Variants in DGAT1 observed in about 807,000 individuals in gnomAD.
DGAT1 encodes the protein diacylglycerol O-acyltransferase 1.
DGAT1 carries 60 observed loss-of-function variants against 72.6 expected under a neutral mutation model. The ratio of observed to expected loss-of-function variants is 0.83; its 90% CI spans 0.67 to 1.02. The LOEUF is 1.02. DGAT1 is among the 50% of genes least tolerant of loss of function. DGAT1 has a pLI of 0.00. For synonymous variants in DGAT1, 290 were observed against 267.5 expected, an observed-to-expected ratio of 1.08 and a Z score of -0.82; for missense variants, 592 against 670.0, an observed-to-expected ratio of 0.88 and a Z score of 1.29.
rs191891262 is a variant in DGAT1, at chr8:144,314,714, T to G, written c.*1840A>C. Reference sequence around the variant, plus strand: ...GGCAGAGATCTATAAACAGACAGGCTCTATGCTATGGCCTCCATGTGTTTC... The same window carrying G: ...GGCAGAGATCTATAAACAGACAGGCGCTATGCTATGGCCTCCATGTGTTTC... On this transcript the variant is annotated 3_prime_UTR_variant, in exon 17 of 17. Transcript: ENST00000528718. 1.2e-3 allele frequency: 306 copies of G among 245,352 alleles called. 2 individuals are homozygous for G. The highest frequency in any genetic ancestry group is 6.1e-3 in the African/African-American group (281 of 45,758). The allele number at this position is 245,352 out of a possible 1,614,324, so 15.2% of individuals were successfully genotyped here. A position where few individuals can be genotyped will look rare whatever the true frequency, so the allele number is the denominator to read the frequency against.
At position 144,317,607 on chromosome 8, in the gene DGAT1, C is replaced by T; in HGVS notation, c.937-19G>A. 1 of 1,613,932 alleles carries T rather than the reference C, an allele frequency of 6.2e-7. No individual in the cohort carries two copies. The highest frequency in any genetic ancestry group is 8.5e-7 in the Non-Finnish European group (1 of 1,180,018). On this transcript the variant is annotated intron_variant, in intron 11 of 16. Transcript: ENST00000528718. ...CCATGTCCTGCAGAAACAAGCCCTT[C>T]AGCTAGCCATGCTCCTGGTCACTCC...
rs2130504260 is a variant in DGAT1, at chr8:144,315,809, G to A, written c.*745C>T. On this transcript the variant is annotated 3_prime_UTR_variant, in exon 17 of 17. Coordinates refer to ENST00000528718, the MANE Select transcript of DGAT1 (RefSeq NM_012079.6). ...GCCCAGGTTCCAAGTGAAGGAAAGA[G>A]GCTGCCAAACCGAGCCCTGCCCCAA... 1.0e-6 allele frequency: 1 copy of A among 979,064 alleles called. No individual in the cohort carries two copies. Among genetic ancestry groups the A allele is most frequent in the African/African-American group, 1.7e-5 (1 of 57,240 alleles). 60.6% of individuals were successfully genotyped at this position (979,064 alleles called of 1,614,324 possible).
In DGAT1 at chr8:144,317,971, G is replaced by T. The variant is rs570222469; in HGVS notation, c.798C>A (p.Asn266Lys). 6.6e-7 allele frequency: 1 copy of T among 1,519,660 alleles called. No individual in the cohort carries two copies. The highest frequency in any genetic ancestry group is 8.8e-7 in the Non-Finnish European group (1 of 1,136,348). The allele number at this position is 1,519,660 out of a possible 1,614,324, so 94.1% of individuals were successfully genotyped here. A position where few individuals can be genotyped will look rare whatever the true frequency, so the allele number is the denominator to read the frequency against. The change falls in exon 9 of 17, where the codon AAC (asparagine) becomes AAA (lysine). Residue 266 changes from asparagine to lysine, a missense_variant. Physicochemically the swap from Asn to Lys is moderately conservative, Grantham distance 94 (BLOSUM62 0). Coordinates refer to ENST00000528718, the MANE Select transcript of DGAT1 (RefSeq NM_012079.6). The stretch of plus-strand genomic sequence containing the variant: ...TCCGGATGCGGGGAGAGCGGGGAAA[G>T]TTGAGCTCGTAGCACAAGGTGGGGG... ...LFAPTLCYEL[N>K]FPRSPRIRKR...
At position 144,317,182 on chromosome 8, in the gene DGAT1, C is replaced by G; in HGVS notation, c.1160+5G>C. 2 of 1,607,626 alleles carry G rather than the reference C, an allele frequency of 1.2e-6. No homozygotes were observed. Among genetic ancestry groups the G allele is most frequent in the Non-Finnish European group, 1.7e-6 (2 of 1,175,236 alleles). On this transcript the variant is annotated splice_donor_5th_base_variant and intron_variant, in intron 14 of 16. Transcript: ENST00000528718. ...CCACATCACACACACACACACCCCA[C>G]CTACCTGATGCACCACTTGTGCACA...
Position 144,314,687 on chromosome 8 carries a change from C to T in DGAT1, c.*1867G>A. On this transcript the variant is annotated 3_prime_UTR_variant, in exon 17 of 17. Coordinates refer to ENST00000528718, the MANE Select transcript of DGAT1 (RefSeq NM_012079.6). ...ACACACAGTGGATGGACGGACAAGACAGGCAGAGATCTATAAACAGACAGG... is the reference window on the plus strand; with the variant it reads ...ACACACAGTGGATGGACGGACAAGATAGGCAGAGATCTATAAACAGACAGG... The T allele has an allele frequency of 3.5e-6, 1 of 285,254 alleles. No individual in the cohort carries two copies. The allele number at this position is 285,254 out of a possible 1,614,324, so 17.7% of individuals were successfully genotyped here. A position where few individuals can be genotyped will look rare whatever the true frequency, so the allele number is the denominator to read the frequency against.
Position 144,315,651 on chromosome 8 carries a change from C to T in DGAT1, c.*903G>A, listed in dbSNP as rs544380271. Reference sequence around the variant, plus strand: ...ATTGCAGGGCCTGGGAACAAGGTGTCCTGAAGGCTGCAGGGCTGCGCTGTC... The same window carrying T: ...ATTGCAGGGCCTGGGAACAAGGTGTTCTGAAGGCTGCAGGGCTGCGCTGTC... On this transcript the variant is annotated 3_prime_UTR_variant, in exon 17 of 17. Coordinates refer to ENST00000528718, the MANE Select transcript of DGAT1 (RefSeq NM_012079.6). 1.2e-5 allele frequency: 12 copies of T among 981,638 alleles called. No individual in the cohort carries two copies. The highest frequency in any genetic ancestry group is 8.7e-5 in the African/African-American group (5 of 57,262). The allele number at this position is 981,638 out of a possible 1,614,324, so 60.8% of individuals were successfully genotyped here.
At chr8:144,318,392 A>G (rs1817325209) in intron 6 of DGAT1, 30 bp from the exon 7 acceptor site, 1 of 1,607,936 alleles carries the variant, frequency 6.2e-7, no homozygotes, top group Non-Finnish European at 8.5e-7. Flanking sequence ...AGGCCTCCAC[A>G]GCGCCACAGC....
chr8:144,321,481 C>G (rs1554848143), intron 1 of DGAT1, 73 bp from the exon 2 acceptor site: 1 of 1,390,058 alleles, frequency 7.2e-7, no homozygotes, highest in Non-Finnish European at 1.0e-6. Context: ...GGATCCAGGC[C>G]CCCACCCCAG....
intron 2 of DGAT1, 92 bp from the exon 3 acceptor site, chr8:144,319,160 G>T: frequency 2.0e-6 from 3 of 1,470,992 alleles, no homozygotes; most frequent in Non-Finnish European, 2.8e-6. Flanking sequence ...GCACGTCCCA[G>T]CCCGAGCTCA....
chr8:144,319,150 G>A lies in DGAT1; in HGVS notation c.289-82C>T, dbSNP rs542004012. 2.0e-4 allele frequency: 297 copies of A among 1,497,022 alleles called. 2 individuals carry two copies. In the East Asian group the frequency reaches 5.9e-3, roughly 30 times the overall value. 92.7% of individuals were successfully genotyped at this position (1,497,022 alleles called of 1,614,324 possible). A position where few individuals can be genotyped will look rare whatever the true frequency, so the allele number is the denominator to read the frequency against. On this transcript the variant is annotated intron_variant, in intron 2 of 16. Coordinates refer to ENST00000528718, the MANE Select transcript of DGAT1 (RefSeq NM_012079.6). The stretch of plus-strand genomic sequence containing the variant: ...CCCCAGATCCTCCCAACACCTCTGG[G>A]CACGTCCCAGCCCGAGCTCAGGGCG...
In DGAT1 at chr8:144,316,263, G is replaced by GC. The variant is rs1399902834; in HGVS notation, c.*290dup. The GC allele has an allele frequency of 5.1e-6, 2 of 392,442 alleles. No homozygotes were observed. The allele number at this position is 392,442 out of a possible 1,614,324, so 24.3% of individuals were successfully genotyped here. ...TGGGTGTGGCCATACCCCCCACCAG[G>GC]CCCCAGGCCCCTGGCAGGCTGAAGA... On this transcript the variant is annotated 3_prime_UTR_variant, in exon 17 of 17. Transcript: ENST00000528718.
At position 144,321,319 on chromosome 8, in the gene DGAT1, AC is replaced by A. The variant is rs782716660; in HGVS notation, c.288+1del. ...CCGCTCCCGACACCATGTCCCACTCACCAGCATCACCACACACCAGTTCAGG... is the reference window on the plus strand; with the variant it reads ...CCGCTCCCGACACCATGTCCCACTCACAGCATCACCACACACCAGTTCAGG... On this transcript the variant is annotated splice_donor_variant, in intron 2 of 16. Coordinates refer to ENST00000528718, the MANE Select transcript of DGAT1 (RefSeq NM_012079.6). LOFTEE classifies it high-confidence loss of function. 3.7e-6 allele frequency: 6 copies of A among 1,613,654 alleles called. No individual in the cohort carries two copies. The highest frequency in any genetic ancestry group is 5.1e-6 in the Non-Finnish European group (6 of 1,179,802).
In DGAT1 at chr8:144,316,722, G is replaced by T; in HGVS notation, c.1312-13C>A. ...AGGCCAGTGGGATCTAGGGAGTGAGGGGCCAAGTCAGTCGGCCATGGTGAC... is the reference window on the plus strand; with the variant it reads ...AGGCCAGTGGGATCTAGGGAGTGAGTGGCCAAGTCAGTCGGCCATGGTGAC... On this transcript the variant is annotated splice_polypyrimidine_tract_variant and intron_variant, in intron 16 of 16. Transcript: ENST00000528718. 6.2e-7 allele frequency: 1 copy of T among 1,609,708 alleles called. No homozygotes were observed. The highest frequency in any genetic ancestry group is 8.5e-7 in the Non-Finnish European group (1 of 1,178,036).
rs1554847797 is a variant in DGAT1 at position 144,319,016 on chromosome 8, A to C, written c.329+12T>G. 6.4e-7 allele frequency: 1 copy of C among 1,558,878 alleles called. No homozygotes were observed. The highest frequency in any genetic ancestry group is 8.7e-7 in the Non-Finnish European group (1 of 1,151,390). ...GGGTGGGGCAGGGGTGGGACCTGGCAAAGGCACTCACTTGATGAGGTTCTC... is the reference window on the plus strand; with the variant it reads ...GGGTGGGGCAGGGGTGGGACCTGGCCAAGGCACTCACTTGATGAGGTTCTC... On this transcript the variant is annotated intron_variant, in intron 3 of 16. Coordinates refer to ENST00000528718, the MANE Select transcript of DGAT1 (RefSeq NM_012079.6).
rs1271778018 is a variant in DGAT1, at chr8:144,316,392, G to A, written c.*162C>T. The A allele has an allele frequency of 1.3e-5, 12 of 889,538 alleles. No individual in the cohort carries two copies. Among genetic ancestry groups the A allele is most frequent in the Non-Finnish European group, 1.8e-5 (11 of 605,038 alleles). 55.1% of individuals were successfully genotyped at this position (889,538 alleles called of 1,614,324 possible). A position where few individuals can be genotyped will look rare whatever the true frequency, so the allele number is the denominator to read the frequency against. On this transcript the variant is annotated 3_prime_UTR_variant, in exon 17 of 17. Transcript: ENST00000528718. ...TCTGGCCTGCTGTCGCCATCCCTGA[G>A]GGGTGCAGGACAGAGCCCCATAGGG...
At chr8:144,324,179 C>T (rs544632618) in intron 1 of DGAT1, among the ~76,000 whole-genome samples, 3 of 152,140 alleles carry the variant, frequency 2.0e-5, no homozygotes, top group African/African-American at 4.8e-5. Context: ...GCCACGGGGC[C>T]GGAAGAAAGG....
In DGAT1 at chr8:144,318,296, A is replaced by ACGTCGC; in HGVS notation, c.635_640dup (p.Asp213_Val214insGlyAsp). Reference sequence around the variant, plus strand: ...CCTGGCCCTGCGGCACCATGAGTTGACGTCGCGGTAGGAGAAGAGCTTGAG... The same window carrying ACGTCGC: ...CCTGGCCCTGCGGCACCATGAGTTGACGTCGCCGTCGCGGTAGGAGAAGAGCTTGAG... On this transcript the variant is annotated inframe_insertion, in exon 7 of 17. Transcript: ENST00000528718. 1 of 1,612,842 alleles carries ACGTCGC rather than the reference A, an allele frequency of 6.2e-7. No homozygotes were observed. Among genetic ancestry groups the ACGTCGC allele is most frequent in the Non-Finnish European group, 8.5e-7 (1 of 1,179,884 alleles).
In DGAT1 at chr8:144,316,325, C is replaced by T. The variant is rs986682194; in HGVS notation, c.*229G>A. ...AGCACTTTATTGACACCCTCGGACCCGGGGCAGGGTCAGCAAGACTCCCAG... is the reference window on the plus strand; with the variant it reads ...AGCACTTTATTGACACCCTCGGACCTGGGGCAGGGTCAGCAAGACTCCCAG... On this transcript the variant is annotated 3_prime_UTR_variant, in exon 17 of 17. Coordinates refer to ENST00000528718, the MANE Select transcript of DGAT1 (RefSeq NM_012079.6). 5.0e-6 allele frequency: 3 copies of T among 594,418 alleles called. No homozygotes were observed. The highest frequency in any genetic ancestry group is 8.6e-6 in the Non-Finnish European group (3 of 346,996). 36.8% of individuals were successfully genotyped at this position (594,418 alleles called of 1,614,324 possible).
chr8:144,317,723 G>A lies in DGAT1; in HGVS notation c.895-11C>T. ...GGTGGGGACCATCCACTGCAAAGGA[G>A]GGCACCACGTCAGCTCCCAGCCATG... On this transcript the variant is annotated splice_polypyrimidine_tract_variant and intron_variant, in intron 10 of 16. Coordinates refer to ENST00000528718, the MANE Select transcript of DGAT1 (RefSeq NM_012079.6). The A allele has an allele frequency of 6.2e-7, 1 of 1,613,734 alleles. No homozygotes were observed. Among genetic ancestry groups the A allele is most frequent in the Middle Eastern group, 1.7e-4 (1 of 6,060 alleles).
Sources: gnomAD v4.1 joint callset for allele counts (sites outside exome capture counted in the v4.1 genomes callset) on GRCh38, gnomAD v4.1.1 for gene constraint, MANE v1.5 for transcripts, NCBI Gene and HGNC (gene_info 2026-07-23, HGNC 2026-07-21) for gene names.